SULF2: variants seen among roughly 807,000 people sequenced by gnomAD.
SULF2 encodes the protein sulfatase 2.
Under a neutral mutation model 107.7 loss-of-function variants are expected in SULF2, and 52 were observed. That is an observed-to-expected ratio of 0.48 (90% CI 0.39 to 0.61). The LOEUF (loss-of-function observed/expected upper bound fraction) is 0.61, where lower values mean the gene tolerates loss of function less well. SULF2 is among the 20% of genes least tolerant of loss of function. The probability of loss-of-function intolerance (pLI) is 0.00; values close to 1 mark genes in which losing one functional copy is unlikely to be tolerated. For missense variants in SULF2, 993 were observed against 1,177.3 expected (o/e 0.84, Z 2.29); for synonymous variants, 460 against 464.3 (o/e 0.99, Z 0.12).
chr20:47,691,627 A>C (rs970001050), intron 4 of SULF2, among the ~76,000 whole-genome samples: 1 of 152,222 alleles, frequency 6.6e-6, no homozygotes, highest in African/African-American at 2.4e-5. Flanking sequence ...TGTGCTTGCC[A>C]TGTGCTCTAA....
intron 3 of SULF2, among the ~76,000 whole-genome samples, chr20:47,711,518 G>A (rs775861784): frequency 5.3e-5 from 8 of 152,204 alleles, no homozygotes; most frequent in Non-Finnish European, 1.0e-4. Flanking sequence ...CCCCCACGAC[G>A]GGCCATCTGG....
chr20:47,710,895 GC>G (rs2088906002), intron 3 of SULF2, among the ~76,000 whole-genome samples: 1 of 152,180 alleles, frequency 6.6e-6, no homozygotes, highest in Non-Finnish European at 1.5e-5. Flanking sequence ...ACGATTCGGA[GC>G]CTGATGGGAG....
intron 1 of SULF2, among the ~76,000 whole-genome samples, chr20:47,783,367 TG>T (rs1001253229): frequency 1.5e-4 from 23 of 152,300 alleles, no homozygotes; most frequent in African/African-American, 5.3e-4. Context: ...GCTGCCCTCT[TG>T]AGGCAGGTCC....
intron 10 of SULF2, among the ~76,000 whole-genome samples, chr20:47,675,137 G>A (rs1288806252): frequency 6.6e-6 from 1 of 150,690 alleles, no homozygotes; most frequent in Non-Finnish European, 1.5e-5. Context: ...AAGAACCAGT[G>A]GGGGACTTGA....
At chr20:47,693,024 G>A (rs1043151708) in intron 4 of SULF2, among the ~76,000 whole-genome samples, 20 of 152,048 alleles carry the variant, frequency 1.3e-4, no homozygotes, top group Admixed American at 2.6e-4. Flanking sequence ...GGAGAGAAGC[G>A]GAGAAAGTTA....
intron 1 of SULF2, among the ~76,000 whole-genome samples, chr20:47,765,862 CTGAGGTTAAGTGTGT>C (rs1338573206): frequency 6.6e-6 from 1 of 152,182 alleles, no homozygotes; most frequent in Non-Finnish European, 1.5e-5. Context: ...ATACAAGGGA[CTGAGGTTAAGTGTGT>C]TGTATAAACA....
At chr20:47,780,964 A>G (rs2090822343) in intron 1 of SULF2, among the ~76,000 whole-genome samples, 1 of 152,254 alleles carries the variant, frequency 6.6e-6, no homozygotes, top group Non-Finnish European at 1.5e-5. Flanking sequence ...GAATATACAC[A>G]TGACATATTG....
chr20:47,712,534 G>T (rs1026589526), intron 3 of SULF2, among the ~76,000 whole-genome samples: 1 of 152,178 alleles, frequency 6.6e-6, no homozygotes, highest in Non-Finnish European at 1.5e-5. Context: ...TGTGGGGTCC[G>T]TAAGGCAGGA....
intron 2 of SULF2, among the ~76,000 whole-genome samples, chr20:47,740,093 T>C (rs1219242141): frequency 6.6e-6 from 1 of 152,218 alleles, no homozygotes; most frequent in Non-Finnish European, 1.5e-5. Flanking sequence ...CAGTCTTCTA[T>C]GCCAGTAATA....
At chr20:47,754,459 C>A (rs1031763685) in intron 2 of SULF2, among the ~76,000 whole-genome samples, 11 of 152,178 alleles carry the variant, frequency 7.2e-5, no homozygotes, top group Non-Finnish European at 1.6e-4. Flanking sequence ...GCCTATCATG[C>A]CCCTCCCACA....
At chr20:47,756,166 G>C (rs1052293183) in intron 2 of SULF2, among the ~76,000 whole-genome samples, 1 of 152,168 alleles carries the variant, frequency 6.6e-6, no homozygotes, top group Non-Finnish European at 1.5e-5. Context: ...TGAGGTCCAG[G>C]TGCTGCCTGC....
intron 2 of SULF2, among the ~76,000 whole-genome samples, chr20:47,749,934 T>G (rs940269058): frequency 6.6e-6 from 1 of 152,224 alleles, no homozygotes; most frequent in African/African-American, 2.4e-5. Flanking sequence ...TCCTGTTGGC[T>G]TTTCACAGGC....
intron 3 of SULF2, among the ~76,000 whole-genome samples, chr20:47,712,206 T>G (rs1863734180): frequency 6.6e-6 from 1 of 152,230 alleles, no homozygotes; most frequent in Non-Finnish European, 1.5e-5. Flanking sequence ...AGAGGGCCCT[T>G]CTGAGTCCAA....
At chr20:47,736,581 A>G in intron 3 of SULF2, 122 bp downstream of exon 3, 1 of 1,299,980 alleles carries the variant, frequency 7.7e-7, no homozygotes, top group African/African-American at 1.5e-5. Context: ...TGAAATTATA[A>G]GAGAGTTGCT....
At chr20:47,742,639 A>G (rs1198362735) in intron 2 of SULF2, among the ~76,000 whole-genome samples, 3 of 152,132 alleles carry the variant, frequency 2.0e-5, no homozygotes, top group African/African-American at 7.2e-5. Flanking sequence ...GATTTGTTTG[A>G]TATTTGTATT....
chr20:47,749,826 C>T (rs1391805989), intron 2 of SULF2, among the ~76,000 whole-genome samples: 1 of 152,168 alleles, frequency 6.6e-6, no homozygotes, highest in Non-Finnish European at 1.5e-5. Flanking sequence ...AACAAGCACA[C>T]AGTTTGTATA....
intron 3 of SULF2, among the ~76,000 whole-genome samples, chr20:47,719,184 A>G (rs979122947): frequency 2.0e-5 from 3 of 152,234 alleles, no homozygotes; most frequent in Non-Finnish European, 2.9e-5. Flanking sequence ...AGACCTATCC[A>G]TTGTCCATTA....
At chr20:47,698,707 A>G (rs2146580645) in intron 4 of SULF2, among the ~76,000 whole-genome samples, 1 of 152,206 alleles carries the variant, frequency 6.6e-6, no homozygotes, top group East Asian at 1.9e-4. Flanking sequence ...GTTCACAAAC[A>G]ACTTCAAGAG....
intron 2 of SULF2, among the ~76,000 whole-genome samples, chr20:47,738,352 G>A (rs1367402085): frequency 1.3e-5 from 2 of 152,166 alleles, no homozygotes; most frequent in Non-Finnish European, 2.9e-5. Context: ...CTTCTTCTAT[G>A]GCCATCCTTG....
Sources: allele counts gnomAD v4.1 joint callset (sites outside exome capture counted in the v4.1 genomes callset), GRCh38; gene constraint gnomAD v4.1.1; transcripts MANE v1.5; gene names NCBI Gene and HGNC (gene_info 2026-07-23, HGNC 2026-07-21).